The following GUCD1 variants were observed in gnomAD, a reference collection of about 807,000 sequenced individuals.
The protein encoded by GUCD1 is protein GUCD1.
A neutral mutation model predicts 28.3 loss-of-function variants in GUCD1; 17 were observed. That is an observed-to-expected ratio of 0.60 (90% CI 0.41 to 0.90). GUCD1 has a LOEUF of 0.90. Ranked by LOEUF, GUCD1 falls within the 40% of genes least tolerant of loss-of-function variation. GUCD1 has a pLI of 0.00. For synonymous variants in GUCD1, 129 were observed against 123.3 expected, an observed-to-expected ratio of 1.05 and a Z score of -0.30; for missense variants, 279 against 305.5, an observed-to-expected ratio of 0.91 and a Z score of 0.65.
chr22:24,551,281 C>T (rs1314659501), intron 1 of GUCD1, among the ~76,000 whole-genome samples: 2 of 152,148 alleles, frequency 1.3e-5, no homozygotes, highest in South Asian at 2.1e-4. Flanking sequence ...ATACCCAGGC[C>T]GTTCACTCAA....
chr22:24,546,397 C>A (rs2044729609), intron 4 of GUCD1, among the ~76,000 whole-genome samples: 1 of 152,232 alleles, frequency 6.6e-6, no homozygotes, highest in South Asian at 2.1e-4. Flanking sequence ...GCCCCACTCC[C>A]ACGTAGCCCA....
upstream of GUCD1, chr22:24,555,636 A>C (rs1447838371): frequency 6.4e-7 from 1 of 1,550,610 alleles, no homozygotes; most frequent in South Asian, 1.2e-5. Context: ...GGGATCAACA[A>C]ATGAAATTGT....
At position 24,547,942 on chromosome 22, in the gene GUCD1, T is replaced by C. The variant is rs2044772087; in HGVS notation, c.260A>G (p.Gln87Arg). 2.5e-6 allele frequency: 4 copies of C among 1,614,206 alleles called. No homozygotes were observed. In the African/African-American group the frequency reaches 5.3e-5, roughly 22 times the overall value. ...GTAGCCCTTGTCGACACCCAGGGTC[T>C]GGGTACAGAAGCGGTGCCTCACGCC... Reference protein sequence around the residue: ...HFGVRHRFCTQTLGVDKGYKN... With the variant: ...HFGVRHRFCTRTLGVDKGYKN... The change falls in exon 3 of 6, where the codon CAG (glutamine) becomes CGG (arginine). Residue 87 changes from glutamine to arginine, a missense_variant. By Grantham distance (43) the Gln-to-Arg change is conservative (BLOSUM62 1). Coordinates refer to ENST00000435822, the MANE Select transcript of GUCD1 (RefSeq NM_001284254.2).
intron 4 of GUCD1, among the ~76,000 whole-genome samples, 192 bp from the exon 5 acceptor site, chr22:24,544,275 G>A (rs1225335500): frequency 2.0e-5 from 3 of 149,712 alleles, no homozygotes; most frequent in African/African-American, 5.1e-5. Context: ...GGTGGGGGGG[G>A]TGTGTGTGTG....
In GUCD1 at chr22:24,541,225, A is replaced by G. The variant is rs1158522251; in HGVS notation, c.*1781T>C. 3 of 156,642 alleles carry G rather than the reference A, an allele frequency of 1.9e-5. No individual in the cohort carries two copies. Among genetic ancestry groups the G allele is most frequent in the African/African-American group, 7.2e-5 (3 of 41,460 alleles). 9.7% of individuals were successfully genotyped at this position (156,642 alleles called of 1,614,324 possible). On this transcript the variant is annotated 3_prime_UTR_variant, in exon 6 of 6. Transcript: ENST00000435822. ...GGCTGGGTGGTCTCACTGCCCTCCTAAACAGAGCCCACCTCTGCCCCCAGA... is the reference window on the plus strand; with the variant it reads ...GGCTGGGTGGTCTCACTGCCCTCCTGAACAGAGCCCACCTCTGCCCCCAGA...
At chr22:24,552,000 A>AT (rs1043209279) in intron 1 of GUCD1, among the ~76,000 whole-genome samples, 19 of 152,132 alleles carry the variant, frequency 1.2e-4, no homozygotes, top group East Asian at 3.9e-4. Context: ...AGCATAGGCC[A>AT]TTTTTTTTGC....
intron 4 of GUCD1, among the ~76,000 whole-genome samples, chr22:24,544,763 G>C (rs369358083): frequency 9.2e-5 from 14 of 152,304 alleles, no homozygotes; most frequent in African/African-American, 3.4e-4. Context: ...TGTAATCCCA[G>C]TGCTTTGGGA....
upstream of GUCD1, chr22:24,555,437 G>A (rs1165935916): frequency 1.7e-6 from 2 of 1,148,590 alleles, no homozygotes; most frequent in Non-Finnish European, 1.2e-6. Context: ...CGCCTCTGCC[G>A]GGTCCCGCTC....
At chr22:24,552,067 C>T (rs1266504620) in intron 1 of GUCD1, among the ~76,000 whole-genome samples, 1 of 152,182 alleles carries the variant, frequency 6.6e-6, no homozygotes. Flanking sequence ...TTCCTTCCAC[C>T]ATGTGAGGAC....
At chr22:24,543,802 T>C (rs372062379) in intron 5 of GUCD1, 40 bp downstream of exon 5, 32 of 1,604,362 alleles carry the variant, frequency 2.0e-5, no homozygotes, top group Non-Finnish European at 2.6e-5. Context: ...GAACAGTGAA[T>C]GTGGACCACT....
chr22:24,554,602 G>C (rs1324262406), intron 1 of GUCD1, among the ~76,000 whole-genome samples: 1 of 152,228 alleles, frequency 6.6e-6, no homozygotes, highest in African/African-American at 2.4e-5. Flanking sequence ...GCCGAGTCTC[G>C]GAGGCCAGGG....
intron 4 of GUCD1, among the ~76,000 whole-genome samples, chr22:24,546,258 G>A (rs535742109): frequency 1.2e-4 from 18 of 152,316 alleles, no homozygotes; most frequent in South Asian, 4.1e-4. Flanking sequence ...ACCGCGCCCG[G>A]CCCCCAAACC....
intron 4 of GUCD1, among the ~76,000 whole-genome samples, chr22:24,546,632 G>T (rs536026991): frequency 6.6e-6 from 1 of 152,202 alleles, no homozygotes; most frequent in Non-Finnish European, 1.5e-5. Flanking sequence ...CTGTCTTTCT[G>T]CAAGTAGCCC....
At position 24,542,926 on chromosome 22, in the gene GUCD1, G is replaced by A; in HGVS notation, c.*80C>T. 9.9e-7 allele frequency: 1 copy of A among 1,008,292 alleles called. No individual in the cohort carries two copies. Among genetic ancestry groups the A allele is most frequent in the Non-Finnish European group, 1.6e-6 (1 of 631,672 alleles). 62.5% of individuals were successfully genotyped at this position (1,008,292 alleles called of 1,614,324 possible). A position where few individuals can be genotyped will look rare whatever the true frequency, so the allele number is the denominator to read the frequency against. Reference sequence around the variant, plus strand: ...CACATTCCAACCCCAGCAGCCCCAAGCCTGGGCCAGGGCATCCTGAGCGGG... The same window carrying A: ...CACATTCCAACCCCAGCAGCCCCAAACCTGGGCCAGGGCATCCTGAGCGGG... On this transcript the variant is annotated 3_prime_UTR_variant, in exon 6 of 6. Transcript: ENST00000435822.
At chr22:24,550,336 T>C (rs1228343635) in intron 1 of GUCD1, among the ~76,000 whole-genome samples, 2 of 151,714 alleles carry the variant, frequency 1.3e-5, no homozygotes, top group Non-Finnish European at 2.9e-5. Flanking sequence ...CATAGCAAAA[T>C]AGAGGCCTAG....
chr22:24,546,360 TC>T (rs1346417782), intron 4 of GUCD1, among the ~76,000 whole-genome samples: 1 of 152,166 alleles, frequency 6.6e-6, no homozygotes, highest in Non-Finnish European at 1.5e-5. Flanking sequence ...GAAGAGCCTG[TC>T]CAGGACCTAG....
At position 24,544,021 on chromosome 22, in the gene GUCD1, A is replaced by C. The variant is rs730373; in HGVS notation, c.449T>G (p.Val150Gly). The C allele has an allele frequency of 1.9e-6, 3 of 1,613,076 alleles. No individual in the cohort carries two copies. The highest frequency in any genetic ancestry group is 2.5e-6 in the Non-Finnish European group (3 of 1,179,314). ...LAQGHVAIVL[V>G]NSGVLHCDLC... ...GTCACAGTGCAGCACCCCCGAGTTC[A>C]CCAGCACGATGGCCACATGGCCCTG... is the stretch of plus-strand genomic sequence containing the variant. Residue 150 changes from valine (V) to glycine (G), a missense_variant, in exon 5 of 6, where the codon GTG becomes GGG. By Grantham distance (109) the Val-to-Gly change is moderately radical. Transcript: ENST00000435822.
At chr22:24,555,817 C>A (rs761426090), upstream of GUCD1, 48 of 1,546,856 alleles carry the variant, frequency 3.1e-5, no homozygotes, top group South Asian at 5.7e-4. Context: ...GGCCCCCGGG[C>A]CCAGTCATCA....
In GUCD1 at chr22:24,544,209, G is replaced by A; in HGVS notation, c.387-126C>T. 7.5e-6 allele frequency: 10 copies of A among 1,331,960 alleles called. No homozygotes were observed. The East Asian group carries it at 2.4e-4, about 32-fold the overall frequency. 82.5% of individuals were successfully genotyped at this position (1,331,960 alleles called of 1,614,324 possible). On this transcript the variant is annotated intron_variant, in intron 4 of 5. Coordinates refer to ENST00000435822, the MANE Select transcript of GUCD1 (RefSeq NM_001284254.2). ...GATCGGCTCCTTTTCCCTTTGCCCT[G>A]AACTCCCTGCTCTGTCACTGTGGCC... is the stretch of plus-strand genomic sequence containing the variant.
Sources: allele counts gnomAD v4.1 joint callset (sites outside exome capture counted in the v4.1 genomes callset), GRCh38; gene constraint gnomAD v4.1.1; transcripts MANE v1.5; gene names NCBI Gene and HGNC (gene_info 2026-07-23, HGNC 2026-07-21).